INTS11: variants seen among roughly 807,000 people sequenced by gnomAD.
INTS11 encodes the protein integrator complex subunit 11.
INTS11 carries 77 observed loss-of-function variants against 78.6 expected under a neutral mutation model. The observed-to-expected ratio is 0.98, with a 90% CI of 0.81 to 1.18. The LOEUF is 1.18. Among genes scored for constraint, INTS11 ranks in the 50% most tolerant of loss-of-function variants. The pLI is 0.00. For synonymous variants in INTS11, 441 were observed against 326.9 expected, an observed-to-expected ratio of 1.35 and a Z score of -3.77; for missense variants, 875 against 825.9, an observed-to-expected ratio of 1.06 and a Z score of -0.73.
chr1:1,322,067 C>CAGAG, intron 1 of INTS11: 2 of 883,742 alleles, frequency 2.3e-6, no homozygotes, highest in Non-Finnish European at 3.1e-6. Flanking sequence ...AGCAGGGTCT[C>CAGAG]AGCTGTCTCC....
intron 4 of INTS11, chr1:1,318,933 C>A (rs1164109443): frequency 2.8e-6 from 2 of 716,768 alleles, no homozygotes; most frequent in East Asian, 5.4e-5. Flanking sequence ...CCAGCCCCTG[C>A]CTCCCTGCCC....
In INTS11 at chr1:1,312,023, A is replaced by G; in HGVS notation, c.1732T>C (p.Tyr578His). The G allele has an allele frequency of 6.3e-7, 1 of 1,577,998 alleles. No homozygotes were observed. The highest frequency in any genetic ancestry group is 2.3e-5 in the East Asian group (1 of 43,542). Residue 578 changes from tyrosine (Y) to histidine (H), a missense_variant, in exon 16 of 17, where the codon TAC becomes CAC. Coordinates refer to ENST00000435064, the MANE Select transcript of INTS11 (RefSeq NM_017871.6). ...GTKVLLVSWT[Y>H]QDEELGSFLT... is the part of the protein sequence containing the mutation. The stretch of plus-strand genomic sequence containing the variant: ...GGGTGGGGGTCACCCCTTACCTGGT[A>G]GGTCCAGGAGACCAGCAGCACCTTG...
intron 4 of INTS11, chr1:1,317,960 G>A (rs1642716468): frequency 6.6e-6 from 1 of 152,102 alleles, no homozygotes; most frequent in Admixed American, 6.5e-5. Flanking sequence ...CCGCCTCCCA[G>A]GTTCACGCCA....
intron 14 of INTS11, 22 bp from the exon 15 acceptor site, chr1:1,312,390 G>A (rs768964359): frequency 3.8e-6 from 6 of 1,566,714 alleles, no homozygotes; most frequent in Non-Finnish European, 5.2e-6. Context: ...GGACAGGTCA[G>A]TGAGCGCAGC....
intron 3 of INTS11, chr1:1,320,050 G>A: frequency 4.5e-6 from 1 of 222,114 alleles, no homozygotes; most frequent in Non-Finnish European, 9.0e-6. Flanking sequence ...GGAAGGGCAG[G>A]GGGCCAGCAG....
chr1:1,319,070 A>T (rs1557640517), intron 4 of INTS11: 1 of 720,556 alleles, frequency 1.4e-6, no homozygotes, highest in Admixed American at 2.0e-5. Context: ...GCCGGTGCAT[A>T]CCCCCACCCT....
In INTS11 at chr1:1,320,195, A is replaced by G. The variant is rs540146069; in HGVS notation, c.200+261T>C. On this transcript the variant is annotated intron_variant, in intron 3 of 16. Transcript: ENST00000435064. ...CAGTGGGGTTTAAAGATCCTGAGAC[A>G]GTGAAGGCATCAGAGAGGGTGAAGC... The G allele has an allele frequency of 6.2e-6, 3 of 480,406 alleles. No homozygotes were observed. The East Asian group carries it at 1.1e-4, about 18-fold the overall frequency. The allele number at this position is 480,406 out of a possible 1,614,324, so 29.8% of individuals were successfully genotyped here. A position where few individuals can be genotyped will look rare whatever the true frequency, so the allele number is the denominator to read the frequency against.
In INTS11 at chr1:1,319,498, GC is replaced by G; in HGVS notation, c.226del (p.Ala76HisfsTer17). Reference sequence around the variant, plus strand: ...CACCATCTCGCTGAAGTAGGGGAGTGCCCCGCAGTGGTCCAGGTGGAAGTGG... The same window carrying G: ...CACCATCTCGCTGAAGTAGGGGAGTGCCCGCAGTGGTCCAGGTGGAAGTGG... ...ISHFHLDHCG[A>X]LPYFSEMVGY... is the part of the protein sequence containing the mutation. On this transcript the variant is annotated frameshift_variant, in exon 4 of 17. Coordinates refer to ENST00000435064, the MANE Select transcript of INTS11 (RefSeq NM_017871.6). LOFTEE classifies it high-confidence loss of function. 6.3e-7 allele frequency: 1 copy of G among 1,592,098 alleles called. No homozygotes were observed. Among genetic ancestry groups the G allele is most frequent in the South Asian group, 1.1e-5 (1 of 87,812 alleles).
Position 1,314,637 on chromosome 1 carries a change from A to G in INTS11, c.702+187T>C. The G allele has an allele frequency of 1.3e-6, 1 of 757,034 alleles. No homozygotes were observed. The highest frequency in any genetic ancestry group is 2.1e-6 in the Non-Finnish European group (1 of 477,662). The allele number at this position is 757,034 out of a possible 1,614,324, so 46.9% of individuals were successfully genotyped here. On this transcript the variant is annotated intron_variant, in intron 7 of 16. Transcript: ENST00000435064. This position sits in a 1 kb window ranked among gnomAD's most constrained non-coding sequence, Gnocchi z 4.2. ...GTCCGCACCTGAGGTAGGAGGGAAA[A>G]GGGGCTCCCTAGGAAAGGGTCTCTG...
At chr1:1,323,681 G>C (rs868159641) in intron 1 of INTS11, among the ~76,000 whole-genome samples, 1 of 151,314 alleles carries the variant, frequency 6.6e-6, no homozygotes, top group African/African-American at 2.4e-5. Flanking sequence ...AAAGTGCTGT[G>C]ATTGCAGGCG....
intron 4 of INTS11, among the ~76,000 whole-genome samples, chr1:1,318,217 A>G (rs760122892): frequency 1.3e-5 from 2 of 152,208 alleles, no homozygotes; most frequent in South Asian, 2.1e-4. Flanking sequence ...ACCCACACTC[A>G]TATTCTTCAG....
chr1:1,314,202 C>A lies in INTS11; in HGVS notation c.767+99G>T. Reference sequence around the variant, plus strand: ...CCCCCCAGGACAGCAGCAAGCAGGGCCAAGATGCCACCGCTACGCTGGACA... The same window carrying A: ...CCCCCCAGGACAGCAGCAAGCAGGGACAAGATGCCACCGCTACGCTGGACA... On this transcript the variant is annotated intron_variant, in intron 8 of 16. Coordinates refer to ENST00000435064, the MANE Select transcript of INTS11 (RefSeq NM_017871.6). The surrounding 1 kb of genome is among the most constrained non-coding windows in gnomAD (Gnocchi z 4.2). The A allele has an allele frequency of 8.5e-7, 1 of 1,181,318 alleles. No homozygotes were observed. The highest frequency in any genetic ancestry group is 2.0e-5 in the Admixed American group (1 of 50,224). The allele number at this position is 1,181,318 out of a possible 1,614,324, so 73.2% of individuals were successfully genotyped here. A position where few individuals can be genotyped will look rare whatever the true frequency, so the allele number is the denominator to read the frequency against.
chr1:1,318,087 G>A (rs1358682123), intron 4 of INTS11, among the ~76,000 whole-genome samples: 1 of 152,010 alleles, frequency 6.6e-6, no homozygotes. Flanking sequence ...AGCCAGGATG[G>A]TCTCGATCTC....
intron 1 of INTS11, among the ~76,000 whole-genome samples, chr1:1,322,409 A>G (rs1557644678): frequency 6.7e-6 from 1 of 149,946 alleles, no homozygotes; most frequent in African/African-American, 2.5e-5. Context: ...ACGGCAGACA[A>G]ACAAGACACC....
In INTS11 at chr1:1,314,715, C is replaced by T. The variant is rs1240209889; in HGVS notation, c.702+109G>A. On this transcript the variant is annotated intron_variant, in intron 7 of 16. Coordinates refer to ENST00000435064, the MANE Select transcript of INTS11 (RefSeq NM_017871.6). The surrounding 1 kb of genome is among the most constrained non-coding windows in gnomAD (Gnocchi z 4.2). ...CTTCTTCCCTCCCTGCCTGAAAATG[C>T]AGTACCCCCCACCCTGAGACCCTGA... is the stretch of plus-strand genomic sequence containing the variant. 2 of 1,286,500 alleles carry T rather than the reference C, an allele frequency of 1.6e-6. No homozygotes were observed. Among genetic ancestry groups the T allele is most frequent in the African/African-American group, 3.0e-5 (2 of 67,632 alleles). The allele number at this position is 1,286,500 out of a possible 1,614,324, so 79.7% of individuals were successfully genotyped here.
Position 1,312,213 on chromosome 1 carries a change from G to GGGGGGGCCGGGCCCCCCCCCCCCCCC in INTS11, c.1607+12_1607+13insGGGGGGGGGGGGGGGCCCGGCCCCCC. On this transcript the variant is annotated intron_variant, in intron 15 of 16. Transcript: ENST00000435064. ...CCCAAGGGAGTGGGGGGGGGGCGGGGCCGGGCGCCCACCTCTTGAGGTGGC... is the reference window on the plus strand; with the variant it reads ...CCCAAGGGAGTGGGGGGGGGGCGGGGGGGGGGCCGGGCCCCCCCCCCCCCCCCCGGGCGCCCACCTCTTGAGGTGGC... 1.1e-6 allele frequency: 1 copy of GGGGGGGCCGGGCCCCCCCCCCCCCCC among 934,566 alleles called. No individual in the cohort carries two copies. The highest frequency in any genetic ancestry group is 1.6e-6 in the Non-Finnish European group (1 of 636,620). 57.9% of individuals were successfully genotyped at this position (934,566 alleles called of 1,614,324 possible).
chr1:1,322,347 G>C (rs1642996191), intron 1 of INTS11, among the ~76,000 whole-genome samples: 1 of 151,130 alleles, frequency 6.6e-6, no homozygotes. Context: ...AGATACACGA[G>C]GGGACAGGGC....
intron 1 of INTS11, chr1:1,323,335 G>A (rs1557645785): frequency 3.3e-6 from 5 of 1,526,796 alleles, no homozygotes; most frequent in Non-Finnish European, 4.4e-6. Flanking sequence ...CCAACACCAT[G>A]TCCCTCCAGC....
Position 1,314,141 on chromosome 1 carries a change from T to G in INTS11, c.767+160A>C, listed in dbSNP as rs929857951. ...CGCACACGGTGGCGCTGACGGGATG[T>G]CACAGGCTTCCTGGGGTCACACAGC... On this transcript the variant is annotated intron_variant, in intron 8 of 16. Coordinates refer to ENST00000435064, the MANE Select transcript of INTS11 (RefSeq NM_017871.6). This position sits in a 1 kb window ranked among gnomAD's most constrained non-coding sequence, Gnocchi z 4.2. The G allele has an allele frequency of 1.2e-6, 1 of 810,362 alleles. No homozygotes were observed. Among genetic ancestry groups the G allele is most frequent in the Non-Finnish European group, 2.0e-6 (1 of 490,502 alleles). The allele number at this position is 810,362 out of a possible 1,614,324, so 50.2% of individuals were successfully genotyped here. A position where few individuals can be genotyped will look rare whatever the true frequency, so the allele number is the denominator to read the frequency against.
Sources: gnomAD v4.1 joint callset for allele counts (sites outside exome capture counted in the v4.1 genomes callset) on GRCh38, gnomAD v4.1.1 for gene constraint, Gnocchi (gnomAD v3.1) non-coding constraint, MANE v1.5 for transcripts, NCBI Gene and HGNC (gene_info 2026-07-23, HGNC 2026-07-21) for gene names.